RBMS3: variants seen among roughly 807,000 people sequenced by gnomAD.
RBMS3 encodes the protein RNA binding motif single stranded interacting protein 3.
In RBMS3, 27 loss-of-function variants were observed where a neutral mutation model predicts 66.8. The observed-to-expected ratio is 0.40, with a 90% confidence interval of 0.30 to 0.56. The LOEUF is 0.56. RBMS3 is among the 20% of genes least tolerant of loss of function. The probability of loss-of-function intolerance (pLI) is 0.40; values close to 1 mark genes in which losing one functional copy is unlikely to be tolerated. For synonymous variants in RBMS3, 188 were observed against 183.0 expected (o/e 1.03, Z -0.22); for missense variants, 513 against 549.5 (o/e 0.93, Z 0.66).
intron 1 of RBMS3, among the ~76,000 whole-genome samples, chr3:29,283,301 A>G (rs1159078959): frequency 6.6e-6 from 1 of 152,178 alleles, no homozygotes; most frequent in Non-Finnish European, 1.5e-5. Flanking sequence ...CTTGTTTTCT[A>G]CTATGGTATA....
chr3:29,535,203 T>C (rs1576152493), intron 3 of RBMS3, among the ~76,000 whole-genome samples: 1 of 152,132 alleles, frequency 6.6e-6, no homozygotes, highest in Admixed American at 6.5e-5. Flanking sequence ...ATGGAAGCAA[T>C]AAAACGTATC....
intron 6 of RBMS3, among the ~76,000 whole-genome samples, chr3:29,799,199 C>A (rs1231568445): frequency 6.6e-6 from 1 of 152,146 alleles, no homozygotes; most frequent in Non-Finnish European, 1.5e-5. Context: ...AAATTTCTAA[C>A]ACAGATGGTC....
At chr3:29,771,219 C>A (rs2056184894) in intron 6 of RBMS3, among the ~76,000 whole-genome samples, 1 of 151,970 alleles carries the variant, frequency 6.6e-6, no homozygotes, top group Admixed American at 6.6e-5. Context: ...TTTTTCAGTA[C>A]AAAAAATAAA....
Position 29,392,888 on chromosome 3 carries a change from G to A in RBMS3, c.76-41855G>A, listed in dbSNP as rs139179101. ...TTGCCCTTTGCCACATTATAAGATG[G>A]CATAGTGTCTACAGAAAAAAAAAAA... On this transcript the variant is annotated intron_variant, in intron 1 of 14. Transcript: ENST00000383767. Among the ~76,000 whole-genome samples the A allele has an allele frequency of 5.3e-4, 80 of 149,566 alleles. No individual in the cohort carries two copies. In the East Asian group the frequency reaches 0.014, roughly 27 times the overall value.
At chr3:29,817,465 A>G (rs773065159) in intron 6 of RBMS3, among the ~76,000 whole-genome samples, 4 of 152,106 alleles carry the variant, frequency 2.6e-5, no homozygotes, top group Non-Finnish European at 4.4e-5. Context: ...TCAGCCTCCC[A>G]AAGTGCTGGG....
At chr3:29,304,963 A>G (rs958770185) in intron 1 of RBMS3, among the ~76,000 whole-genome samples, 6 of 151,880 alleles carry the variant, frequency 4.0e-5, no homozygotes, top group Admixed American at 1.3e-4. Context: ...TGAAACACCA[A>G]GTTTGCTCTT....
intron 1 of RBMS3, among the ~76,000 whole-genome samples, chr3:29,345,252 T>A (rs1163721730): frequency 1.3e-5 from 2 of 152,218 alleles, no homozygotes; most frequent in Non-Finnish European, 2.9e-5. Context: ...TACCTGATAG[T>A]CTTGTCTATA....
At chr3:29,500,038 G>A (rs1302948730) in intron 3 of RBMS3, among the ~76,000 whole-genome samples, 1 of 150,436 alleles carries the variant, frequency 6.6e-6, no homozygotes, top group Non-Finnish European at 1.5e-5. Flanking sequence ...ACCAAAAACT[G>A]TAGCTTTTAA....
intron 6 of RBMS3, among the ~76,000 whole-genome samples, chr3:29,846,003 A>G (rs1195521270): frequency 1.3e-5 from 2 of 152,162 alleles, no homozygotes; most frequent in Non-Finnish European, 2.9e-5. Flanking sequence ...AAAGTGAGCA[A>G]CAGTCAAGAG....
chr3:29,559,063 A>G (rs886937830), intron 3 of RBMS3, among the ~76,000 whole-genome samples: 5 of 152,184 alleles, frequency 3.3e-5, no homozygotes, highest in Admixed American at 3.3e-4. Flanking sequence ...CTCTTTACAG[A>G]AAGTGGTTAA....
intron 10 of RBMS3, among the ~76,000 whole-genome samples, chr3:29,910,020 G>A (rs541811729): frequency 2.8e-4 from 42 of 152,182 alleles, no homozygotes; most frequent in African/African-American, 9.9e-4. Context: ...TTCATCATTA[G>A]TAAAGCAGAG....
intron 1 of RBMS3, among the ~76,000 whole-genome samples, chr3:29,359,347 G>A (rs567664531): frequency 8.5e-5 from 13 of 152,116 alleles, no homozygotes; most frequent in Non-Finnish European, 1.6e-4. Context: ...GCTGGATTAC[G>A]TTTATTGATT....
intron 8 of RBMS3, among the ~76,000 whole-genome samples, chr3:29,884,650 C>T (rs1234144307): frequency 6.6e-6 from 1 of 151,808 alleles, no homozygotes; most frequent in Non-Finnish European, 1.5e-5. Context: ...AAGTTGGTAA[C>T]TCAGGTGATT....
chr3:29,345,094 G>A (rs1262013652), intron 1 of RBMS3, among the ~76,000 whole-genome samples: 2 of 152,234 alleles, frequency 1.3e-5, no homozygotes, highest in African/African-American at 4.8e-5. Flanking sequence ...AATTACTGCT[G>A]TACTATTTTC....
At chr3:29,981,357 C>T (rs1003098527) in intron 12 of RBMS3, among the ~76,000 whole-genome samples, 1 of 152,142 alleles carries the variant, frequency 6.6e-6, no homozygotes, top group Admixed American at 6.6e-5. Flanking sequence ...TCTAAATATA[C>T]AATCATGTCA....
At chr3:29,454,375 T>C (rs2042113778) in intron 2 of RBMS3, among the ~76,000 whole-genome samples, 2 of 152,196 alleles carry the variant, frequency 1.3e-5, no homozygotes, top group African/African-American at 4.8e-5. Context: ...ACCGTAATAC[T>C]GTTTGCAGCA....
At position 29,406,543 on chromosome 3, in the gene RBMS3, A is replaced by G. The variant is rs566316741; in HGVS notation, c.76-28200A>G. Among the ~76,000 whole-genome samples, 5 of 152,262 alleles carry G rather than the reference A, an allele frequency of 3.3e-5. No individual in the cohort carries two copies. The South Asian group carries it at 1.0e-3, about 32-fold the overall frequency. ...CACAACTCCCCTGAATAATCAAGCC[A>G]AACAGTTTTTACACATGATTTGTTA... On this transcript the variant is annotated intron_variant, in intron 1 of 14. Transcript: ENST00000383767.
chr3:29,680,276 C>T (rs2051431735), intron 4 of RBMS3, among the ~76,000 whole-genome samples: 2 of 152,142 alleles, frequency 1.3e-5, no homozygotes, highest in African/African-American at 2.4e-5. Context: ...TTTATACTTG[C>T]ATTTGAGTGA....
intron 3 of RBMS3, among the ~76,000 whole-genome samples, chr3:29,497,972 C>CTTTTTT (rs1559412873): frequency 1.9e-4 from 8 of 42,276 alleles, no homozygotes; most frequent in East Asian, 8.5e-4. Flanking sequence ...TAAAAGTATT[C>CTTTTTT]ATTTTTTTTT....
Sources: allele counts gnomAD v4.1 joint callset (sites outside exome capture counted in the v4.1 genomes callset), GRCh38; gene constraint gnomAD v4.1.1; transcripts MANE v1.5; gene names NCBI Gene and HGNC (gene_info 2026-07-23, HGNC 2026-07-21).